The following KSR2 variants were observed in gnomAD, a reference collection of about 807,000 sequenced individuals.
KSR2 encodes the protein kinase suppressor of ras 2.
A neutral mutation model predicts 107.8 loss-of-function variants in KSR2; 25 were observed. The observed-to-expected ratio is 0.23, with a 90% CI of 0.17 to 0.32. The LOEUF is 0.32. Among genes scored for constraint, KSR2 ranks in the 10% least tolerant of loss-of-function variants. KSR2 has a pLI of 1.00. For synonymous variants in KSR2, 480 were observed against 507.0 expected (o/e 0.95, Z 0.71); for missense variants, 887 against 1,268.9 (o/e 0.70, Z 4.57).
At chr12:117,668,423 C>T (rs1025271830) in intron 4 of KSR2, among the ~76,000 whole-genome samples, 1 of 152,180 alleles carries the variant, frequency 6.6e-6, no homozygotes, top group Non-Finnish European at 1.5e-5. Context: ...TGATGGGGTG[C>T]CTCACAGCCT....
chr12:117,854,686 G>T (rs1181998774), intron 3 of KSR2, among the ~76,000 whole-genome samples: 2 of 152,122 alleles, frequency 1.3e-5, no homozygotes, highest in Non-Finnish European at 2.9e-5. Context: ...GGGACAGAAA[G>T]GCCCCAGAAT....
rs758688914 is a variant in KSR2, at chr12:117,761,454, G to A, written c.543C>T (p.Pro181=). The A allele has an allele frequency of 3.7e-5, 60 of 1,612,950 alleles. No homozygotes were observed. The highest frequency in any genetic ancestry group is 1.1e-4 in the East Asian group (5 of 44,864). The stretch of plus-strand genomic sequence containing the variant: ...ACGGGGTGGGCTCCGGGGGGCACAC[G>A]GGATTGTTCTCCTTCCCCGTCTCTG... ...PTTETGKENN[P]VCPPEPTPWI... is the part of the protein sequence containing the mutation. The change falls in exon 4 of 20, where the codon CCC becomes CCT. Residue 181 remains proline (P), a synonymous_variant. Transcript: ENST00000339824.
At position 117,806,890 on chromosome 12, in the gene KSR2, G is replaced by A. The variant is rs185346334; in HGVS notation, c.473-45366C>T. 2.2e-3 allele frequency among the ~76,000 whole-genome samples: 339 copies of A among 152,208 alleles called. 1 individual carries two copies. Among genetic ancestry groups the A allele is most frequent in the African/African-American group, 7.8e-3 (323 of 41,528 alleles). On this transcript the variant is annotated intron_variant, in intron 3 of 19. Transcript: ENST00000339824. ...ACACTAGTGCTCGGTGAACCGAATC[G>A]AAACTCCAATTCACCTGCTGTACAG...
intron 5 of KSR2, among the ~76,000 whole-genome samples, chr12:117,627,470 G>A (rs1226125084): frequency 1.3e-5 from 2 of 152,150 alleles, no homozygotes; most frequent in African/African-American, 4.8e-5. Flanking sequence ...AGTCTAGTTT[G>A]GCTGGATATG....
chr12:117,758,464 C>T (rs1280314268), intron 4 of KSR2, among the ~76,000 whole-genome samples: 4 of 152,158 alleles, frequency 2.6e-5, no homozygotes, highest in Non-Finnish European at 5.9e-5. Flanking sequence ...CCACTCTGTT[C>T]CTCTCCTCTA....
intron 14 of KSR2, among the ~76,000 whole-genome samples, chr12:117,515,156 C>A (rs1165024473): frequency 2.0e-5 from 3 of 152,136 alleles, no homozygotes; most frequent in Non-Finnish European, 2.9e-5. Context: ...TCTCTATTTC[C>A]ATCATCAGGC....
chr12:117,586,451 A>T (rs1399682915), intron 5 of KSR2, among the ~76,000 whole-genome samples: 7 of 151,666 alleles, frequency 4.6e-5, no homozygotes, highest in Non-Finnish European at 8.8e-5. Flanking sequence ...ATTTTTGTAT[A>T]TGGCGGGCAC....
At chr12:117,695,707 T>C (rs1886025876) in intron 4 of KSR2, among the ~76,000 whole-genome samples, 1 of 140,478 alleles carries the variant, frequency 7.1e-6, no homozygotes, top group African/African-American at 2.7e-5. Context: ...TGAGATCCTG[T>C]CTCAAACAAA....
At chr12:117,684,612 G>C (rs907783639) in intron 4 of KSR2, among the ~76,000 whole-genome samples, 2 of 152,092 alleles carry the variant, frequency 1.3e-5, no homozygotes, top group Non-Finnish European at 2.9e-5. Context: ...TGGCAGGAGA[G>C]GTAAGTGCCT....
At chr12:117,936,290 AGTG>A (rs1239768232) in intron 1 of KSR2, among the ~76,000 whole-genome samples, 115 of 152,086 alleles carry the variant, frequency 7.6e-4, no homozygotes, top group African/African-American at 2.7e-3. Context: ...GACCTCCCAA[AGTG>A]CTAGGATTAC....
At chr12:117,723,387 A>G (rs1466087954) in intron 4 of KSR2, among the ~76,000 whole-genome samples, 5 of 152,336 alleles carry the variant, frequency 3.3e-5, no homozygotes, top group South Asian at 4.1e-4. Context: ...ATATACCTGT[A>G]TAAGTCACTG....
intron 5 of KSR2, among the ~76,000 whole-genome samples, chr12:117,663,215 C>T (rs1487279132): frequency 6.6e-6 from 1 of 152,190 alleles, no homozygotes; most frequent in African/African-American, 2.4e-5. Context: ...GATGACATTG[C>T]AATTTCACAA....
chr12:117,495,671 G>T (rs1181504445), intron 14 of KSR2, among the ~76,000 whole-genome samples: 1 of 152,168 alleles, frequency 6.6e-6, no homozygotes, highest in African/African-American at 2.4e-5. Flanking sequence ...TTGCTGCAAA[G>T]CTCAGAAGTG....
intron 1 of KSR2, among the ~76,000 whole-genome samples, chr12:117,962,081 G>T (rs897154585): frequency 6.6e-6 from 1 of 150,884 alleles, no homozygotes; most frequent in Non-Finnish European, 1.5e-5. Flanking sequence ...GAAGTTCAAG[G>T]CTGCAGTGAG....
chr12:117,655,239 C>T (rs941174267), intron 5 of KSR2, among the ~76,000 whole-genome samples: 3 of 152,230 alleles, frequency 2.0e-5, no homozygotes, highest in African/African-American at 7.2e-5. Flanking sequence ...TATCCACCAC[C>T]ATCATGGTAT....
intron 1 of KSR2, among the ~76,000 whole-genome samples, chr12:117,929,089 T>TACATCTCTGCATCTCAATTACTTC (rs750961966): frequency 6.6e-6 from 1 of 152,236 alleles, no homozygotes; most frequent in Non-Finnish European, 1.5e-5. Flanking sequence ...ACTTCAGACA[T>TACATCTCTGCATCTCAATTACTTC]ACATCTCTGC....
At chr12:117,631,587 A>T (rs1882811113) in intron 5 of KSR2, among the ~76,000 whole-genome samples, 1 of 152,078 alleles carries the variant, frequency 6.6e-6, no homozygotes, top group Non-Finnish European at 1.5e-5. Flanking sequence ...TTCTTCATCA[A>T]TATTCCAATA....
chr12:117,669,072 C>T (rs1010215045), intron 4 of KSR2, among the ~76,000 whole-genome samples: 11 of 152,284 alleles, frequency 7.2e-5, no homozygotes, highest in African/African-American at 2.2e-4. Flanking sequence ...CAATCCTACA[C>T]ACGGGCATTG....
At chr12:117,952,850 T>A (rs1896401661) in intron 1 of KSR2, among the ~76,000 whole-genome samples, 1 of 152,024 alleles carries the variant, frequency 6.6e-6, no homozygotes, top group Non-Finnish European at 1.5e-5. Context: ...CTGGGCGTGG[T>A]GGCGCACACC....
Sources: gnomAD v4.1 joint callset for allele counts (sites outside exome capture counted in the v4.1 genomes callset) on GRCh38, gnomAD v4.1.1 for gene constraint, MANE v1.5 for transcripts, NCBI Gene and HGNC (gene_info 2026-07-23, HGNC 2026-07-21) for gene names.